PTPRG: variants seen among roughly 807,000 people sequenced by gnomAD.
The protein encoded by PTPRG is receptor-type tyrosine-protein phosphatase gamma.
Under a neutral mutation model 165.3 loss-of-function variants are expected in PTPRG, and 102 were observed. The ratio of observed to expected loss-of-function variants is 0.62; its 90% CI spans 0.53 to 0.73. The LOEUF (loss-of-function observed/expected upper bound fraction) is 0.73, where lower values mean the gene tolerates loss of function less well. Ranked by LOEUF, PTPRG falls within the 30% of genes least tolerant of loss-of-function variation. The pLI is 0.00. For missense variants in PTPRG, 1,866 were observed against 1,861.4 expected, an observed-to-expected ratio of 1.00 and a Z score of -0.05; for synonymous variants, 675 against 669.5, an observed-to-expected ratio of 1.01 and a Z score of -0.13.
intron 1 of PTPRG, among the ~76,000 whole-genome samples, chr3:61,719,156 A>G (rs1045580748): frequency 6.6e-6 from 1 of 152,240 alleles, no homozygotes; most frequent in South Asian, 2.1e-4. Context: ...CCTGCTGTGA[A>G]ACTGTACGAT....
intron 1 of PTPRG, among the ~76,000 whole-genome samples, chr3:61,597,039 G>C (rs1013856291): frequency 6.6e-6 from 1 of 152,120 alleles, no homozygotes; most frequent in Non-Finnish European, 1.5e-5. Context: ...TCTTCTCGCT[G>C]TGTCATCCCT....
intron 5 of PTPRG, among the ~76,000 whole-genome samples, chr3:62,096,050 G>C (rs967378546): frequency 1.3e-5 from 2 of 152,174 alleles, no homozygotes; most frequent in African/African-American, 4.8e-5. Context: ...GGCATTTTGA[G>C]CAGATAAGGA....
chr3:61,755,573 G>C (rs2033608716), intron 2 of PTPRG, among the ~76,000 whole-genome samples: 1 of 152,166 alleles, frequency 6.6e-6, no homozygotes, highest in Admixed American at 6.5e-5. Flanking sequence ...CTGTGTGCCA[G>C]GTGTTGTGCT....
Position 61,637,553 on chromosome 3 carries a change from G to A in PTPRG, c.85+75181G>A, listed in dbSNP as rs149446963. ...TGAGACTGTGCAGATCAAGCAGAACGCTTTCTGTTCCTTCCAAGGCTTGTT... is the reference window on the plus strand; with the variant it reads ...TGAGACTGTGCAGATCAAGCAGAACACTTTCTGTTCCTTCCAAGGCTTGTT... On this transcript the variant is annotated intron_variant, in intron 1 of 29. Transcript: ENST00000474889. 2.9e-3 allele frequency among the ~76,000 whole-genome samples: 445 copies of A among 152,262 alleles called. 9 individuals are homozygous for A. Among genetic ancestry groups the A allele is most frequent in the South Asian group, 0.015 (72 of 4,814 alleles).
intron 1 of PTPRG, among the ~76,000 whole-genome samples, chr3:61,727,129 G>T (rs2032297903): frequency 6.6e-6 from 1 of 151,800 alleles, no homozygotes; most frequent in African/African-American, 2.4e-5. Flanking sequence ...CTGTAGTTTT[G>T]AATGCAGGAG....
At chr3:62,043,728 C>G (rs920758778) in intron 4 of PTPRG, among the ~76,000 whole-genome samples, 1 of 152,058 alleles carries the variant, frequency 6.6e-6, no homozygotes, top group Non-Finnish European at 1.5e-5. Context: ...TTACTTCTGC[C>G]AGGTTTATGA....
At chr3:62,106,510 T>G (rs964606644) in intron 5 of PTPRG, among the ~76,000 whole-genome samples, 2 of 151,470 alleles carry the variant, frequency 1.3e-5, no homozygotes, top group Non-Finnish European at 2.9e-5. Flanking sequence ...AGGCTTTTTT[T>G]TTTTTTTTTT....
chr3:62,157,990 A>G (rs1704605389), intron 7 of PTPRG, among the ~76,000 whole-genome samples: 1 of 152,174 alleles, frequency 6.6e-6, no homozygotes, highest in South Asian at 2.1e-4. Context: ...ATGAATGATG[A>G]AGCCAAAAAC....
At chr3:61,563,183 T>C (rs965437978) in intron 1 of PTPRG, among the ~76,000 whole-genome samples, 1 of 152,112 alleles carries the variant, frequency 6.6e-6, no homozygotes, top group African/African-American at 2.4e-5. Flanking sequence ...GCCGGGTTGC[T>C]GTTCGCGCCG....
chr3:62,121,459 G>A (rs1703070043), intron 5 of PTPRG, among the ~76,000 whole-genome samples: 1 of 152,166 alleles, frequency 6.6e-6, no homozygotes. Context: ...CTATACAGCT[G>A]CTAAGTAGAA....
rs778994257 is a variant in PTPRG at position 62,281,537 on chromosome 3, G to GTTTTTTTTTTTTTTT, written c.3766-26_3766-25insTTTTTTTTTTTTTTT. 17 of 175,026 alleles carry GTTTTTTTTTTTTTTT rather than the reference G, an allele frequency of 9.7e-5. 2 individuals carry two copies. The highest frequency in any genetic ancestry group is 8.7e-4 in the East Asian group (2 of 2,308). The allele number at this position is 175,026 out of a possible 1,614,324, so 10.8% of individuals were successfully genotyped here. A position where few individuals can be genotyped will look rare whatever the true frequency, so the allele number is the denominator to read the frequency against. ...ACAAATCCTTGACAGAACTGCAGAG[G>GTTTTTTTTTTTTTTT]CTTTTTTTTTTTTTGGATTCCAAAG... On this transcript the variant is annotated intron_variant, in intron 26 of 29. Coordinates refer to ENST00000474889, the MANE Select transcript of PTPRG (RefSeq NM_002841.4).
intron 1 of PTPRG, among the ~76,000 whole-genome samples, chr3:61,661,901 T>C (rs538821941): frequency 6.6e-6 from 1 of 152,312 alleles, no homozygotes; most frequent in East Asian, 1.9e-4. Context: ...TTTCAGAAAT[T>C]AATAATTTAA....
At chr3:61,807,569 A>G (rs763449600) in intron 2 of PTPRG, among the ~76,000 whole-genome samples, 1 of 152,146 alleles carries the variant, frequency 6.6e-6, no homozygotes, top group Non-Finnish European at 1.5e-5. Flanking sequence ...GCTGAATTTT[A>G]TATTTTTCTT....
At chr3:61,778,149 G>T (rs781328300) in intron 2 of PTPRG, among the ~76,000 whole-genome samples, 1 of 152,280 alleles carries the variant, frequency 6.6e-6, no homozygotes, top group South Asian at 2.1e-4. Flanking sequence ...CAAAGAATTG[G>T]ACAAAACGCT....
intron 1 of PTPRG, among the ~76,000 whole-genome samples, chr3:61,581,495 T>C (rs1394549486): frequency 2.6e-5 from 4 of 152,206 alleles, no homozygotes; most frequent in African/African-American, 9.6e-5. Context: ...TGGGGCTTTT[T>C]GTCTTCTGTG....
intron 6 of PTPRG, among the ~76,000 whole-genome samples, chr3:62,137,566 A>G (rs1275623006): frequency 1.3e-5 from 2 of 152,122 alleles, no homozygotes; most frequent in African/African-American, 4.8e-5. Context: ...AGTGGATGTC[A>G]TCGATTTCCT....
chr3:61,898,670 C>T (rs2038424040), intron 2 of PTPRG, among the ~76,000 whole-genome samples: 1 of 152,190 alleles, frequency 6.6e-6, no homozygotes, highest in Admixed American at 6.5e-5. Context: ...AATGGAGTCT[C>T]TTTTCTTATT....
intron 1 of PTPRG, among the ~76,000 whole-genome samples, chr3:61,692,485 G>A (rs551010916): frequency 3.9e-5 from 6 of 152,292 alleles, no homozygotes; most frequent in South Asian, 2.1e-4. Context: ...ATGCGCGTCC[G>A]TGTGAAGAGA....
chr3:62,093,859 G>A (rs1702024157), intron 5 of PTPRG, among the ~76,000 whole-genome samples: 1 of 152,156 alleles, frequency 6.6e-6, no homozygotes, highest in African/African-American at 2.4e-5. Flanking sequence ...GGGTAGAGAG[G>A]GAAGAAAGAC....
Sources: allele counts gnomAD v4.1 joint callset (sites outside exome capture counted in the v4.1 genomes callset), GRCh38; gene constraint gnomAD v4.1.1; transcripts MANE v1.5; gene names NCBI Gene and HGNC (gene_info 2026-07-23, HGNC 2026-07-21).